SPATA22: variants seen among roughly 807,000 people sequenced by gnomAD.
SPATA22 encodes the protein spermatogenesis associated 22, also known as spermatogenesis-associated protein 22.
Under a neutral mutation model 47.8 loss-of-function variants are expected in SPATA22, and 29 were observed. The observed-to-expected ratio is 0.61, with a 90% CI of 0.45 to 0.83. The LOEUF (loss-of-function observed/expected upper bound fraction) is 0.83. Ranked by LOEUF, SPATA22 falls within the 40% of genes least tolerant of loss-of-function variation. The pLI, the probability that SPATA22 is intolerant of heterozygous loss-of-function variation, is 0.00. For synonymous variants in SPATA22, 133 were observed against 140.9 expected (o/e 0.94, Z 0.40); for missense variants, 410 against 421.7 (o/e 0.97, Z 0.24).
intron 1 of SPATA22, chr17:3,511,370 A>G (rs2074111282): frequency 6.6e-6 from 1 of 152,232 alleles, no homozygotes; most frequent in African/African-American, 2.4e-5. Context: ...ATAATGGCTC[A>G]GGGAGACATC....
At chr17:3,463,316 C>T (rs1485550024) in intron 3 of SPATA22, among the ~76,000 whole-genome samples, 1 of 152,166 alleles carries the variant, frequency 6.6e-6, no homozygotes, top group Non-Finnish European at 1.5e-5. Context: ...TTACACAAAG[C>T]TGGAGAGTAC....
At chr17:3,463,812 T>G (rs1205486395) in intron 3 of SPATA22, among the ~76,000 whole-genome samples, 1 of 152,182 alleles carries the variant, frequency 6.6e-6, no homozygotes, top group African/African-American at 2.4e-5. Context: ...GGCTGTATTT[T>G]CTATTCTACT....
upstream of SPATA22, chr17:3,476,369 TC>T: frequency 6.2e-7 from 1 of 1,614,186 alleles, no homozygotes; most frequent in South Asian, 1.1e-5. Context: ...GTGACCTGAA[TC>T]GCATTTTTGA....
chr17:3,454,619 G>A (rs1054055375), intron 5 of SPATA22, among the ~76,000 whole-genome samples: 30 of 151,972 alleles, frequency 2.0e-4, no homozygotes, highest in Non-Finnish European at 4.3e-4. Context: ...TCCCTACAAA[G>A]GACATGAACT....
At chr17:3,443,453 A>G (rs2072641805) in intron 7 of SPATA22, among the ~76,000 whole-genome samples, 182 bp from the exon 8 acceptor site, 4 of 152,022 alleles carry the variant, frequency 2.6e-5, no homozygotes, top group Admixed American at 2.6e-4. Flanking sequence ...AGGTAGGAAA[A>G]CAAAACTTCT....
rs1389386754 is a variant in SPATA22, at chr17:3,508,896, A to AT, written c.-74+4515dup. Among the ~76,000 whole-genome samples the AT allele has an allele frequency of 2.4e-4, 15 of 61,856 alleles. No homozygotes were observed. The East Asian group carries it at 8.3e-3, about 34-fold the overall frequency. 40.6% of individuals were successfully genotyped at this position (61,856 alleles called of 152,430 possible). On this transcript the variant is annotated intron_variant, in intron 1 of 8. Transcript: ENST00000541913. ...ACACATGTACCCTAAAGCTTAAAGT[A>AT]TAAAAAAAAAAAAAAAAAAAAAAAA...
chr17:3,504,371 G>A (rs2074021842), intron 1 of SPATA22, among the ~76,000 whole-genome samples: 1 of 151,836 alleles, frequency 6.6e-6, no homozygotes, highest in Non-Finnish European at 1.5e-5. Context: ...TTCCACCAAT[G>A]GCCCTGCCTT....
intron 7 of SPATA22, among the ~76,000 whole-genome samples, chr17:3,443,664 C>T (rs1398272054): frequency 6.6e-6 from 1 of 151,956 alleles, no homozygotes; most frequent in Non-Finnish European, 1.5e-5. Flanking sequence ...GAATTAGAAT[C>T]AGGAGACATG....
exon 1 of SPATA22, chr17:3,513,662 G>A (rs141810999): frequency 1.8e-5 from 7 of 395,222 alleles, no homozygotes; most frequent in Admixed American, 1.2e-4. Context: ...AGGCTCCCAG[G>A]CTCCAGACTG....
intron 1 of SPATA22, among the ~76,000 whole-genome samples, chr17:3,487,073 C>CGT (rs59690349): frequency 6.6e-6 from 1 of 150,770 alleles, no homozygotes; most frequent in Non-Finnish European, 1.5e-5. Flanking sequence ...TGTGTGTGTG[C>CGT]GTGTGTGTGT....
intron 1 of SPATA22, chr17:3,489,293 G>A: frequency 1.2e-6 from 2 of 1,613,326 alleles, no homozygotes; most frequent in East Asian, 2.2e-5. Context: ...TGGATCAAAT[G>A]AGAAAAATGA....
At chr17:3,465,641 G>T (rs2150729839) in intron 3 of SPATA22, among the ~76,000 whole-genome samples, 1 of 151,124 alleles carries the variant, frequency 6.6e-6, no homozygotes, top group South Asian at 2.1e-4. Context: ...CACAAACACT[G>T]CGGAAGGCCG....
At chr17:3,484,635 T>G (rs2073688471) in intron 1 of SPATA22, among the ~76,000 whole-genome samples, 1 of 152,238 alleles carries the variant, frequency 6.6e-6, no homozygotes, top group South Asian at 2.1e-4. Context: ...GAGCAATACT[T>G]TTGTAAAATG....
chr17:3,454,699 T>C (rs1454361073), intron 5 of SPATA22, among the ~76,000 whole-genome samples: 1 of 151,948 alleles, frequency 6.6e-6, no homozygotes, highest in African/African-American at 2.4e-5. Flanking sequence ...CAGTCAATCA[T>C]TGTTGGACAT....
At chr17:3,465,037 C>T (rs2073257144) in intron 3 of SPATA22, among the ~76,000 whole-genome samples, 1 of 136,026 alleles carries the variant, frequency 7.4e-6, no homozygotes, top group Admixed American at 7.0e-5. Flanking sequence ...AGCCCCCAGC[C>T]CGGCCAGCCG....
Position 3,449,038 on chromosome 17 carries a change from T to G in SPATA22, c.441A>C (p.Pro147=). The change falls in exon 6 of 9, where the codon CCA becomes CCC. Residue 147 remains proline (P), a synonymous_variant. Transcript: ENST00000572969. ...TTTGTTGTTGAGCTCCCGAACTCACTGGACAAGAATTTTTTCCATCATTTG... is the reference window on the plus strand; with the variant it reads ...TTTGTTGTTGAGCTCCCGAACTCACGGGACAAGAATTTTTTCCATCATTTG... The part of the protein sequence containing the change: ...LVANDGKNSC[P]VSSGAQQQKQ... The G allele has an allele frequency of 6.2e-7, 1 of 1,614,044 alleles. No homozygotes were observed. Among genetic ancestry groups the G allele is most frequent in the Non-Finnish European group, 8.5e-7 (1 of 1,179,954 alleles).
chr17:3,510,334 A>C (rs1306523342), intron 1 of SPATA22, among the ~76,000 whole-genome samples: 1 of 152,176 alleles, frequency 6.6e-6, no homozygotes, highest in Non-Finnish European at 1.5e-5. Context: ...AATACGTACA[A>C]AGGTGACATG....
At chr17:3,498,794 C>A in intron 1 of SPATA22, 2 of 1,190,592 alleles carry the variant, frequency 1.7e-6, no homozygotes, top group Non-Finnish European at 1.1e-6. Flanking sequence ...TTTAAAACAA[C>A]AGAATACTGT....
chr17:3,511,303 A>G (rs1300414104), intron 1 of SPATA22: 2 of 152,130 alleles, frequency 1.3e-5, no homozygotes, highest in African/African-American at 2.4e-5. Context: ...CCCCCAATAT[A>G]AGCGAAATAC....
Sources: allele counts gnomAD v4.1 joint callset (sites outside exome capture counted in the v4.1 genomes callset), GRCh38; gene constraint gnomAD v4.1.1; transcripts MANE v1.5; gene names NCBI Gene and HGNC (gene_info 2026-07-23, HGNC 2026-07-21).